Variants in OTUD7A observed in about 807,000 individuals in gnomAD.
OTUD7A encodes OTU deubiquitinase 7A.
In OTUD7A, 12 loss-of-function variants were observed where a neutral mutation model predicts 65.7. The ratio of observed to expected loss-of-function variants is 0.18; its 90% CI spans 0.12 to 0.30. OTUD7A has a LOEUF of 0.30. Among genes scored for constraint, OTUD7A ranks in the 10% least tolerant of loss-of-function variants. The pLI is 1.00. For missense variants in OTUD7A, 1,148 were observed against 1,304.8 expected (o/e 0.88, Z 1.85); for synonymous variants, 641 against 586.3 (o/e 1.09, Z -1.35).
intron 1 of OTUD7A, among the ~76,000 whole-genome samples, chr15:31,866,666 C>T (rs908786671): frequency 2.0e-5 from 3 of 152,130 alleles, no homozygotes; most frequent in African/African-American, 2.4e-5. Context: ...ACATTAAATA[C>T]GTTACAAAAA....
chr15:31,676,396 C>A (rs1269206092), intron 1 of OTUD7A, among the ~76,000 whole-genome samples: 1 of 152,162 alleles, frequency 6.6e-6, no homozygotes, highest in Non-Finnish European at 1.5e-5. Flanking sequence ...ATTCTGACTT[C>A]TGCTTTACCA....
rs2041202220 is a variant in OTUD7A, at chr15:31,484,448, T to C, written c.1648A>G (p.Met550Val). The change falls in exon 13 of 13, where the codon ATG becomes GTG. Residue 550 changes from methionine (M) to valine (V), a missense_variant. Met to Val is a conservative substitution (Grantham distance 21, BLOSUM62 1). Transcript: ENST00000307050. This position sits in a 1 kb window ranked among gnomAD's most constrained non-coding sequence, Gnocchi z 4.5. ...GGLGGLVHGK[M>V]GRANSANGKN... ...CCATTGGCGGAGTTGGCGCGGCCCA[T>C]CTTGCCGTGCACCAGGCCGCCGAGG... The C allele has an allele frequency of 1.2e-6, 2 of 1,604,240 alleles. No individual in the cohort carries two copies. The highest frequency in any genetic ancestry group is 1.3e-5 in the African/African-American group (1 of 74,900).
chr15:31,852,568 G>C (rs1483237976), intron 1 of OTUD7A, among the ~76,000 whole-genome samples: 1 of 152,146 alleles, frequency 6.6e-6, no homozygotes, highest in Middle Eastern at 3.2e-3. Context: ...CCTTCAACTT[G>C]ATCTGATAAA....
chr15:31,646,999 G>A lies in OTUD7A; in HGVS notation c.151+8097C>T, dbSNP rs542513728. ...TGTGTCTTCCTGAATGAGGCCAGGC[G>A]AGAGGGAGTATCTTAGAATTCTGAT... On this transcript the variant is annotated intron_variant, in intron 3 of 12. Transcript: ENST00000307050. 4.6e-5 allele frequency among the ~76,000 whole-genome samples: 7 copies of A among 152,298 alleles called. No individual in the cohort carries two copies. In the South Asian group the frequency reaches 1.2e-3, roughly 27 times the overall value.
At chr15:31,634,202 C>T (rs1202759003) in intron 3 of OTUD7A, among the ~76,000 whole-genome samples, 3 of 152,154 alleles carry the variant, frequency 2.0e-5, no homozygotes, top group Non-Finnish European at 4.4e-5. Context: ...ACAACCACCT[C>T]CCCTGGAGCC....
chr15:31,775,803 T>G (rs1387064477), intron 1 of OTUD7A, among the ~76,000 whole-genome samples: 1 of 152,098 alleles, frequency 6.6e-6, no homozygotes, highest in Non-Finnish European at 1.5e-5. Flanking sequence ...AGTGTATCCC[T>G]CAGGACAGGT....
chr15:31,660,765 T>C (rs1366957943), intron 1 of OTUD7A, among the ~76,000 whole-genome samples: 2 of 152,242 alleles, frequency 1.3e-5, no homozygotes, highest in African/African-American at 2.4e-5. Flanking sequence ...TAGGAATGTC[T>C]GTGGGGCACA....
At chr15:31,671,172 C>A (rs1019856264) in intron 1 of OTUD7A, among the ~76,000 whole-genome samples, 1 of 152,158 alleles carries the variant, frequency 6.6e-6, no homozygotes, top group Non-Finnish European at 1.5e-5. Context: ...ATGGCATTGC[C>A]TAGATTTTCT....
intron 1 of OTUD7A, among the ~76,000 whole-genome samples, chr15:31,685,654 G>A (rs146293496): frequency 4.6e-4 from 70 of 152,296 alleles, no homozygotes; most frequent in Admixed American, 9.2e-4. Flanking sequence ...GCGAGACTCC[G>A]TCTCAAAAAA....
chr15:31,725,711 T>TA (rs1893865482), intron 1 of OTUD7A, among the ~76,000 whole-genome samples: 1 of 152,146 alleles, frequency 6.6e-6, no homozygotes, highest in African/African-American at 2.4e-5. Flanking sequence ...ACCAATGAAA[T>TA]ATAAGTGGCA....
chr15:31,835,265 C>T (rs1018373860), intron 1 of OTUD7A, among the ~76,000 whole-genome samples: 5 of 152,298 alleles, frequency 3.3e-5, no homozygotes, highest in Middle Eastern at 3.4e-3. Context: ...AGATGAACAA[C>T]GAATATTTTA....
intron 5 of OTUD7A, among the ~76,000 whole-genome samples, chr15:31,550,277 G>A (rs984691610): frequency 6.6e-6 from 1 of 151,796 alleles, no homozygotes; most frequent in African/African-American, 2.4e-5. Flanking sequence ...CTGCTTTCTG[G>A]GGTCCCTCAG....
intron 5 of OTUD7A, chr15:31,556,599 G>A (rs1888503386): frequency 6.6e-6 from 1 of 152,252 alleles, no homozygotes; most frequent in Non-Finnish European, 1.5e-5. Context: ...CTTTTGCTAA[G>A]CATGGTAGGG....
chr15:31,507,363 G>T lies in OTUD7A; in HGVS notation c.894-3545C>A, dbSNP rs187516303. Reference sequence around the variant, plus strand: ...GGTTTTAGATCTGTATGTTTTTTTTGTGTGTGTGTGGAAGTTTAACTTTGC... The same window carrying T: ...GGTTTTAGATCTGTATGTTTTTTTTTTGTGTGTGTGGAAGTTTAACTTTGC... On this transcript the variant is annotated intron_variant, in intron 8 of 12. Coordinates refer to ENST00000307050, the MANE Select transcript of OTUD7A (RefSeq NM_001382637.1). Among the ~76,000 whole-genome samples the T allele has an allele frequency of 9.0e-3, 1,368 of 151,850 alleles. 10 individuals carry two copies. The highest frequency in any genetic ancestry group is 0.027 in the African/African-American group (1,118 of 41,444).
At chr15:31,761,729 T>C (rs1365799739) in intron 1 of OTUD7A, among the ~76,000 whole-genome samples, 1 of 152,220 alleles carries the variant, frequency 6.6e-6, no homozygotes, top group African/African-American at 2.4e-5. Context: ...ACAGCATTAC[T>C]CATATTAGCC....
rs1888597176 is a variant in OTUD7A, at chr15:31,559,127, G to A, written c.392C>T (p.Ser131Phe). The change falls in exon 5 of 13, where the codon TCC becomes TTC. Residue 131 changes from serine to phenylalanine, a missense_variant. Coordinates refer to ENST00000307050, the MANE Select transcript of OTUD7A (RefSeq NM_001382637.1). ...ASSAIVSLAR[S>F]HVASECNNEQ... ...GTTGTTGCATTCACTTGCCACGTGG[G>A]ACCGGGCCAGGGAGACGATGGCTGA... is the stretch of plus-strand genomic sequence containing the variant. 6 of 1,614,086 alleles carry A rather than the reference G, an allele frequency of 3.7e-6. No individual in the cohort carries two copies. Among genetic ancestry groups the A allele is most frequent in the Non-Finnish European group, 4.2e-6 (5 of 1,180,026 alleles).
intron 2 of OTUD7A, among the ~76,000 whole-genome samples, chr15:31,656,460 T>A (rs1456013505): frequency 2.0e-5 from 3 of 152,196 alleles, no homozygotes; most frequent in Non-Finnish European, 4.4e-5. Flanking sequence ...CTGGCTGAGT[T>A]GAGTAGTTAA....
At chr15:31,522,940 T>C (rs1048090972) in intron 8 of OTUD7A, among the ~76,000 whole-genome samples, 3 of 152,188 alleles carry the variant, frequency 2.0e-5, no homozygotes, top group Admixed American at 6.5e-5. Flanking sequence ...TCTGTCTCCA[T>C]ACCAGGGGCT....
intron 3 of OTUD7A, among the ~76,000 whole-genome samples, chr15:31,604,211 T>C (rs924849137): frequency 1.3e-5 from 2 of 152,172 alleles, no homozygotes; most frequent in African/African-American, 2.4e-5. Context: ...CCACCAATGA[T>C]AGACTGGATA....
Sources: allele counts gnomAD v4.1 joint callset (sites outside exome capture counted in the v4.1 genomes callset), GRCh38; gene constraint gnomAD v4.1.1; non-coding constraint Gnocchi (gnomAD v3.1); transcripts MANE v1.5; gene names NCBI Gene and HGNC (gene_info 2026-07-23, HGNC 2026-07-21).